Variants in SPNS1 observed in about 807,000 individuals in gnomAD.
SPNS1 encodes protein spinster homolog 1.
SPNS1 carries 22 observed loss-of-function variants against 50.3 expected under a neutral mutation model. That is an observed-to-expected ratio of 0.44 (90% confidence interval 0.31 to 0.62). The LOEUF (loss-of-function observed/expected upper bound fraction) is 0.62, where lower values mean the gene tolerates loss of function less well. SPNS1 is among the 20% of genes least tolerant of loss of function. The probability of loss-of-function intolerance (pLI) is 0.07; values close to 1 mark genes in which losing one functional copy is unlikely to be tolerated. For synonymous variants in SPNS1, 295 were observed against 317.4 expected (o/e 0.93, Z 0.75); for missense variants, 576 against 728.6 (o/e 0.79, Z 2.41).
chr16:28,981,343 T>A lies in SPNS1; in HGVS notation c.664-127T>A. 7.8e-7 allele frequency: 1 copy of A among 1,278,800 alleles called. No homozygotes were observed. The highest frequency in any genetic ancestry group is 1.1e-6 in the Non-Finnish European group (1 of 937,628). 79.2% of individuals were successfully genotyped at this position (1,278,800 alleles called of 1,614,324 possible). A position where few individuals can be genotyped will look rare whatever the true frequency, so the allele number is the denominator to read the frequency against. ...TCCCCCAGATTGCAGGTTCGGCTTC[T>A]TGGAGCAGGCACTTAACTGGGTATT... On this transcript the variant is annotated intron_variant, in intron 5 of 11. Transcript: ENST00000311008. This position sits in a 1 kb window ranked among gnomAD's most constrained non-coding sequence, Gnocchi z 4.2.
chr16:28,984,405 C>G lies in SPNS1; in HGVS notation c.*106C>G. Reference sequence around the variant, plus strand: ...GGCCTGGCCCAGCTTCCAGAGGGACCCTGGGCCGTGTGCCAGCTCCCAGAC... The same window carrying G: ...GGCCTGGCCCAGCTTCCAGAGGGACGCTGGGCCGTGTGCCAGCTCCCAGAC... On this transcript the variant is annotated 3_prime_UTR_variant, in exon 12 of 12. Transcript: ENST00000311008. 8.6e-7 allele frequency: 1 copy of G among 1,164,554 alleles called. No homozygotes were observed. The highest frequency in any genetic ancestry group is 1.2e-6 in the Non-Finnish European group (1 of 804,634). The allele number at this position is 1,164,554 out of a possible 1,614,324, so 72.1% of individuals were successfully genotyped here. A position where few individuals can be genotyped will look rare whatever the true frequency, so the allele number is the denominator to read the frequency against.
Position 28,982,974 on chromosome 16 carries a change from T to C in SPNS1, c.1221+52T>C, listed in dbSNP as rs370513940. 757 of 1,600,338 alleles carry C rather than the reference T, an allele frequency of 4.7e-4. 2 individuals carry two copies. The African/African-American group carries it at 9.1e-3, about 19-fold the overall frequency. On this transcript the variant is annotated intron_variant, in intron 9 of 11. Transcript: ENST00000311008. Reference sequence around the variant, plus strand: ...AGCGCAGAGGCTGATGAGAGCAGAGTTGGGGTCAGGAGTGTTGCCTCTACC... The same window carrying C: ...AGCGCAGAGGCTGATGAGAGCAGAGCTGGGGTCAGGAGTGTTGCCTCTACC...
Position 28,983,057 on chromosome 16 carries a change from C to G in SPNS1, c.1221+135C>G. 3 of 1,231,940 alleles carry G rather than the reference C, an allele frequency of 2.4e-6. No individual in the cohort carries two copies. The highest frequency in any genetic ancestry group is 2.3e-6 in the Non-Finnish European group (2 of 853,744). 76.3% of individuals were successfully genotyped at this position (1,231,940 alleles called of 1,614,324 possible). ...ATAAATAACATCTGTAGCAGACCCC[C>G]GGCCTGCCCTGCGACCTCAACCCCA... On this transcript the variant is annotated intron_variant, in intron 9 of 11. Coordinates refer to ENST00000311008, the MANE Select transcript of SPNS1 (RefSeq NM_032038.3). This position sits in a 1 kb window ranked among gnomAD's most constrained non-coding sequence, Gnocchi z 5.4.
At chr16:28,979,555 C>T in intron 5 of SPNS1, 84 bp downstream of exon 5, 2 of 1,461,594 alleles carry the variant, frequency 1.4e-6, no homozygotes, top group Admixed American at 1.7e-5. Flanking sequence ...TCCCACCGCC[C>T]ATTTTTCTTT....
Position 28,974,823 on chromosome 16 carries a change from C to G in SPNS1, c.-329C>G, listed in dbSNP as rs995793772. The G allele has an allele frequency of 5.7e-5, 88 of 1,535,602 alleles. No homozygotes were observed. Among genetic ancestry groups the G allele is most frequent in the Admixed American group, 7.8e-5 (4 of 50,964 alleles). On this transcript the variant is annotated 5_prime_UTR_variant, in exon 1 of 12. Transcript: ENST00000311008. ...CATGGCGGCTGCCGTGGTGCAGCGC[C>G]CGGGCTGAGCGACAGCAAGTGCAGC...
chr16:28,977,924 C>T lies in SPNS1; in HGVS notation c.324C>T (p.Tyr108=). Residue 108 remains tyrosine, a synonymous_variant, in exon 3 of 12, where the codon TAC becomes TAT. Coordinates refer to ENST00000311008, the MANE Select transcript of SPNS1 (RefSeq NM_032038.3). ...GLIQTVFISS[Y]MVLAPVFGYL... is the part of the protein sequence containing the mutation. ...TCCCCCTAGTGTTCATCTCCAGTTA[C>T]ATGGTGTTGGCACCTGTGTTTGGCT... 1 of 1,613,848 alleles carries T rather than the reference C, an allele frequency of 6.2e-7. No homozygotes were observed. The highest frequency in any genetic ancestry group is 8.5e-7 in the Non-Finnish European group (1 of 1,179,872).
Position 28,979,208 on chromosome 16 carries a change from T to A in SPNS1, c.498T>A (p.Ser166Arg). The A allele has an allele frequency of 6.2e-7, 1 of 1,614,178 alleles. No homozygotes were observed. Among genetic ancestry groups the A allele is most frequent in the Non-Finnish European group, 8.5e-7 (1 of 1,180,040 alleles). The change falls in exon 4 of 12, where the codon AGT becomes AGA. Residue 166 changes from serine (S) to arginine (R), a missense_variant. Ser to Arg is a moderately radical substitution (Grantham distance 110). Around this residue, in one of 3 missense-constraint regions of SPNS1, gnomAD observed 428 missense variants for 520.1 expected, o/e 0.82. Coordinates refer to ENST00000311008, the MANE Select transcript of SPNS1 (RefSeq NM_032038.3). ...GCCTGGTGGGGGTCGGGGAGGCCAGTTATTCCACCATCGCGCCCACTCTCA... is the reference window on the plus strand; with the variant it reads ...GCCTGGTGGGGGTCGGGGAGGCCAGATATTCCACCATCGCGCCCACTCTCA... ...TRGLVGVGEA[S>R]YSTIAPTLIA...
intron 2 of SPNS1, 47 bp downstream of exon 2, chr16:28,975,604 C>G: frequency 6.2e-7 from 1 of 1,608,222 alleles, no homozygotes; most frequent in East Asian, 2.2e-5. Flanking sequence ...TCCTTCTGTT[C>G]TGTCTCAAGT....
chr16:28,984,144 C>T, intron 11 of SPNS1, 61 bp from the exon 12 acceptor site: 5 of 1,508,022 alleles, frequency 3.3e-6, no homozygotes, highest in Non-Finnish European at 4.5e-6. Context: ...CCTGTTTGCC[C>T]TTCTCTGGCT....
In SPNS1 at chr16:28,981,737, C is replaced by T; in HGVS notation, c.809+122C>T. On this transcript the variant is annotated intron_variant, in intron 6 of 11. Coordinates refer to ENST00000311008, the MANE Select transcript of SPNS1 (RefSeq NM_032038.3). The surrounding 1 kb of genome is among the most constrained non-coding windows in gnomAD (Gnocchi z 4.2). The stretch of plus-strand genomic sequence containing the variant: ...GCCAGTAATTCGGTCGATACTGTCC[C>T]CTTGTGGCAGCTGCTTGAATTACAG... The T allele has an allele frequency of 6.7e-7, 1 of 1,498,136 alleles. No homozygotes were observed. Among genetic ancestry groups the T allele is most frequent in the South Asian group, 1.3e-5 (1 of 79,502 alleles). The allele number at this position is 1,498,136 out of a possible 1,614,324, so 92.8% of individuals were successfully genotyped here.
Position 28,974,972 on chromosome 16 carries a change from G to A in SPNS1, c.-180G>A. On this transcript the variant is annotated 5_prime_UTR_variant, in exon 1 of 12. Transcript: ENST00000311008. Reference sequence around the variant, plus strand: ...CGCGCTGTGTGTCTACTGAGACGGGGAGGCGTGACAGGGCCCGGGTCCCTT... The same window carrying A: ...CGCGCTGTGTGTCTACTGAGACGGGAAGGCGTGACAGGGCCCGGGTCCCTT... 6.8e-7 allele frequency: 1 copy of A among 1,463,180 alleles called. No individual in the cohort carries two copies. 90.6% of individuals were successfully genotyped at this position (1,463,180 alleles called of 1,614,324 possible).
chr16:28,982,985 A>G, intron 9 of SPNS1, 63 bp downstream of exon 9: 1 of 1,567,164 alleles, frequency 6.4e-7, no homozygotes, highest in African/African-American at 1.3e-5. Context: ...TGGGGTCAGG[A>G]GTGTTGCCTC....
chr16:28,975,417 G>A (rs200630951), intron 1 of SPNS1, 25 bp downstream of exon 1: 7 of 1,614,200 alleles, frequency 4.3e-6, no homozygotes, highest in Non-Finnish European at 5.9e-6. Context: ...CTGGGAGGAA[G>A]ATAGTCTAGG....
intron 7 of SPNS1, 92 bp from the exon 8 acceptor site, chr16:28,982,264 G>A: frequency 7.0e-7 from 1 of 1,434,234 alleles, no homozygotes; most frequent in South Asian, 1.3e-5. Context: ...TGTGTCTGTA[G>A]GGACCTTGGT....
rs1432415109 is a variant in SPNS1 at position 28,982,953 on chromosome 16, C to T, written c.1221+31C>T. On this transcript the variant is annotated intron_variant, in intron 9 of 11. Transcript: ENST00000311008. ...TTGCTGGGCAGCTCCAGGGTCAGCG[C>T]AGAGGCTGATGAGAGCAGAGTTGGG... 2.5e-6 allele frequency: 4 copies of T among 1,612,570 alleles called. No homozygotes were observed. The South Asian group carries it at 4.4e-5, about 18-fold the overall frequency.
rs1357130572 is a variant in SPNS1 at position 28,983,927 on chromosome 16, G to A, written c.1462G>A (p.Asp488Asn). 4.4e-6 allele frequency: 7 copies of A among 1,594,194 alleles called. No homozygotes were observed. Among genetic ancestry groups the A allele is most frequent in the Admixed American group, 1.7e-5 (1 of 58,734 alleles). The change falls in exon 11 of 12, where the codon GAC (aspartate) becomes AAC (asparagine). Residue 488 changes from aspartate to asparagine, a missense_variant. By Grantham distance (23) the Asp-to-Asn change is conservative. Transcript: ENST00000311008. The surrounding 1 kb of genome is among the most constrained non-coding windows in gnomAD (Gnocchi z 5.4). Reference sequence around the variant, plus strand: ...GGGCACCGCCATCTTCATTGAGGCCGACCGCCGGCGGGCACAGCTGCACGT... The same window carrying A: ...GGGCACCGCCATCTTCATTGAGGCCAACCGCCGGCGGGCACAGCTGCACGT... ...FLGTAIFIEA[D>N]RRRAQLHVQG...
intron 7 of SPNS1, 100 bp from the exon 8 acceptor site, chr16:28,982,256 T>C (rs1405280698): frequency 7.1e-7 from 1 of 1,405,314 alleles, no homozygotes; most frequent in Non-Finnish European, 9.7e-7. Context: ...TGGGGTGCTG[T>C]GTCTGTAGGG....
rs376612218 is a variant in SPNS1, at chr16:28,975,536, A to G, written c.286A>G (p.Ser96Gly). Residue 96 changes from serine (S) to glycine (G), a missense_variant, in exon 2 of 12, where the codon AGC (serine) becomes GGC (glycine). Coordinates refer to ENST00000311008, the MANE Select transcript of SPNS1 (RefSeq NM_032038.3). ...IEQFFNIGDSSSGLIQTVFIS... is the reference protein window; with the variant it reads ...IEQFFNIGDSGSGLIQTVFIS... ...GCAGTTCTTCAACATCGGGGACAGTAGCTCTGGGCTCATCCAGACCGGTGA... is the reference window on the plus strand; with the variant it reads ...GCAGTTCTTCAACATCGGGGACAGTGGCTCTGGGCTCATCCAGACCGGTGA... The G allele has an allele frequency of 3.7e-5, 60 of 1,614,106 alleles. No homozygotes were observed. Among genetic ancestry groups the G allele is most frequent in the Non-Finnish European group, 4.9e-5 (58 of 1,180,048 alleles).
At position 28,974,854 on chromosome 16, in the gene SPNS1, C is replaced by CT. The variant is rs1304065147; in HGVS notation, c.-298_-297insT. On this transcript the variant is annotated 5_prime_UTR_variant, in exon 1 of 12. It removes the in-frame stop codon of an upstream open reading frame in the 5' UTR. Transcript: ENST00000311008. Reference sequence around the variant, plus strand: ...TGAGCGACAGCAAGTGCAGCGGGCTCCTACCCCGGGTGAGGGGTGGCCTCC... The same window carrying CT: ...TGAGCGACAGCAAGTGCAGCGGGCTCTCTACCCCGGGTGAGGGGTGGCCTCC... The CT allele has an allele frequency of 7.8e-6, 12 of 1,535,506 alleles. No individual in the cohort carries two copies. In the East Asian group the frequency reaches 2.9e-4, roughly 37 times the overall value.
Sources: gnomAD v4.1 joint callset for allele counts on GRCh38, gnomAD v4.1.1 for gene constraint, gnomAD v4.1.1 regional missense constraint, Gnocchi (gnomAD v3.1) non-coding constraint, MANE v1.5 for transcripts, NCBI Gene and HGNC (gene_info 2026-07-23, HGNC 2026-07-21) for gene names.